The following PARD6G variants were observed in gnomAD, a reference collection of about 807,000 sequenced individuals.
The protein encoded by PARD6G is par-6 family cell polarity regulator gamma.
PARD6G carries 7 observed loss-of-function variants against 10.7 expected under a neutral mutation model. That is an observed-to-expected ratio of 0.66 (90% CI 0.37 to 1.23). The LOEUF is 1.23. PARD6G is among the 50% of genes most tolerant of loss of function. PARD6G has a pLI of 0.02. For missense variants in PARD6G, 548 were observed against 571.8 expected, an observed-to-expected ratio of 0.96 and a Z score of 0.42; for synonymous variants, 287 against 269.4, an observed-to-expected ratio of 1.07 and a Z score of -0.64.
intron 2 of PARD6G, chr18:80,170,964 G>C (rs948869786): frequency 6.6e-6 from 1 of 152,146 alleles, no homozygotes; most frequent in Non-Finnish European, 1.5e-5. Flanking sequence ...GAGGAGAGAC[G>C]GGAAAGGAAT....
chr18:80,187,221 A>C (rs556241178), intron 2 of PARD6G, among the ~76,000 whole-genome samples: 1 of 152,206 alleles, frequency 6.6e-6, no homozygotes, highest in Admixed American at 6.5e-5. Context: ...CTGGCCCTGG[A>C]AGGTCAGTGT....
At chr18:80,177,045 A>ACG in intron 2 of PARD6G, among the ~76,000 whole-genome samples, 1 of 147,032 alleles carries the variant, frequency 6.8e-6, no homozygotes, top group Admixed American at 6.8e-5. Flanking sequence ...ACACACACAC[A>ACG]CACCACAGTA....
chr18:80,238,984 C>A (rs781098553), intron 1 of PARD6G, among the ~76,000 whole-genome samples: 2 of 152,074 alleles, frequency 1.3e-5, no homozygotes, highest in African/African-American at 4.8e-5. Flanking sequence ...TTTTAATCAG[C>A]GAAAGCCTTT....
chr18:80,221,681 C>G (rs1967231538), intron 1 of PARD6G, among the ~76,000 whole-genome samples: 1 of 152,084 alleles, frequency 6.6e-6, no homozygotes, highest in Non-Finnish European at 1.5e-5. Context: ...CTATTTAACA[C>G]TGTACTGTAG....
rs1443727520 is a variant in PARD6G, at chr18:80,246,900, G to C, written c.72+377C>G. 2.0e-5 allele frequency among the ~76,000 whole-genome samples: 3 copies of C among 151,962 alleles called. No homozygotes were observed. The highest frequency in any genetic ancestry group is 2.9e-5 in the Non-Finnish European group (2 of 67,948). ...GCCCCCAGAGCCCCCCCACGGCCCC[G>C]AATCCGAGCAGCCCCTGGCCCTCAA... On this transcript the variant is annotated intron_variant, in intron 1 of 2. Transcript: ENST00000353265. This position sits in a 1 kb window ranked among gnomAD's most constrained non-coding sequence, Gnocchi z 6.7.
At chr18:80,236,045 C>CA (rs1967418056) in intron 1 of PARD6G, among the ~76,000 whole-genome samples, 1 of 151,990 alleles carries the variant, frequency 6.6e-6, no homozygotes, top group Non-Finnish European at 1.5e-5. Flanking sequence ...AGAGACATAA[C>CA]AAAAAAAGAG....
intron 1 of PARD6G, among the ~76,000 whole-genome samples, chr18:80,218,323 C>A (rs1241744305): frequency 6.6e-6 from 1 of 152,076 alleles, no homozygotes; most frequent in Non-Finnish European, 1.5e-5. Flanking sequence ...AATGGAGGTA[C>A]AGGCATTGGG....
intron 1 of PARD6G, among the ~76,000 whole-genome samples, chr18:80,241,763 T>C (rs1012024006): frequency 1.3e-5 from 2 of 152,080 alleles, no homozygotes; most frequent in Non-Finnish European, 2.9e-5. Flanking sequence ...CCAGAGGAAG[T>C]GGATTTGACA....
chr18:80,167,009 G>A (rs958664131), intron 2 of PARD6G, among the ~76,000 whole-genome samples: 3 of 152,080 alleles, frequency 2.0e-5, no homozygotes, highest in Non-Finnish European at 4.4e-5. Flanking sequence ...GCATCTAAAG[G>A]TGCAGGGCTC....
rs368986291 is a variant in PARD6G at position 80,180,027 on chromosome 18, C to T, written c.296-19421G>A. Among the ~76,000 whole-genome samples, 12 of 152,320 alleles carry T rather than the reference C, an allele frequency of 7.9e-5. No homozygotes were observed. The highest frequency in any genetic ancestry group is 4.1e-4 in the South Asian group (2 of 4,832). On this transcript the variant is annotated intron_variant, in intron 2 of 2. Transcript: ENST00000353265. This position sits in a 1 kb window ranked among gnomAD's most constrained non-coding sequence, Gnocchi z 5.6. Reference sequence around the variant, plus strand: ...CTAGGGGGGCAGAGCCTGACGGGAACGCCCCATTGTGCCTCAGAACGAAAG... The same window carrying T: ...CTAGGGGGGCAGAGCCTGACGGGAATGCCCCATTGTGCCTCAGAACGAAAG...
At chr18:80,212,414 T>G (rs1366173517) in intron 1 of PARD6G, among the ~76,000 whole-genome samples, 1 of 152,254 alleles carries the variant, frequency 6.6e-6, no homozygotes. Flanking sequence ...AAGAAATGAC[T>G]GCGATAAATG....
In PARD6G at chr18:80,247,256, C is replaced by G. The variant is rs1353954500; in HGVS notation, c.72+21G>C. Reference sequence around the variant, plus strand: ...GCCAGGAGACTGGGCGCAGGGCCGCCGGGGCGGGCGGGGGGCTTACCTTGC... The same window carrying G: ...GCCAGGAGACTGGGCGCAGGGCCGCGGGGGCGGGCGGGGGGCTTACCTTGC... On this transcript the variant is annotated intron_variant, in intron 1 of 2. Transcript: ENST00000353265. The surrounding 1 kb of genome is among the most constrained non-coding windows in gnomAD (Gnocchi z 4.2). 1.3e-6 allele frequency: 2 copies of G among 1,563,534 alleles called. No homozygotes were observed. The highest frequency in any genetic ancestry group is 8.7e-7 in the Non-Finnish European group (1 of 1,153,996).
At position 80,180,123 on chromosome 18, in the gene PARD6G, G is replaced by C. The variant is rs967714406; in HGVS notation, c.296-19517C>G. 1.3e-5 allele frequency among the ~76,000 whole-genome samples: 2 copies of C among 152,260 alleles called. No homozygotes were observed. The highest frequency in any genetic ancestry group is 2.9e-5 in the Non-Finnish European group (2 of 68,052). On this transcript the variant is annotated intron_variant, in intron 2 of 2. Coordinates refer to ENST00000353265, the MANE Select transcript of PARD6G (RefSeq NM_032510.4). This position sits in a 1 kb window ranked among gnomAD's most constrained non-coding sequence, Gnocchi z 5.6. Reference sequence around the variant, plus strand: ...CGTGGAAAAGTGGCACAGAGGCCTGGCTGGGTGAACCAGGGCCCGGGACGG... The same window carrying C: ...CGTGGAAAAGTGGCACAGAGGCCTGCCTGGGTGAACCAGGGCCCGGGACGG...
At chr18:80,203,739 C>G (rs1967031017) in intron 1 of PARD6G, among the ~76,000 whole-genome samples, 1 of 151,914 alleles carries the variant, frequency 6.6e-6, no homozygotes, top group Non-Finnish European at 1.5e-5. Flanking sequence ...TTTCCAAAGG[C>G]AAAAGACCAT....
intron 1 of PARD6G, among the ~76,000 whole-genome samples, chr18:80,224,699 T>C (rs1304654579): frequency 1.3e-5 from 2 of 152,018 alleles, no homozygotes; most frequent in Admixed American, 6.6e-5. Context: ...TACAAAAAAT[T>C]AGCCGGGCGT....
chr18:80,165,721 G>C (rs2052731374), intron 2 of PARD6G, among the ~76,000 whole-genome samples: 1 of 143,804 alleles, frequency 7.0e-6, no homozygotes, highest in Non-Finnish European at 1.6e-5. Flanking sequence ...TAAAATTTTA[G>C]TAAAGGTTTG....
rs145613252 is a variant in PARD6G at position 80,161,748 on chromosome 18, T to A, written c.296-1142A>T. 6.6e-6 allele frequency: 1 copy of A among 152,312 alleles called. No homozygotes were observed. Among genetic ancestry groups the A allele is most frequent in the East Asian group, 1.9e-4 (1 of 5,168 alleles). The allele number at this position is 152,312 out of a possible 1,614,324, so 9.4% of individuals were successfully genotyped here. A position where few individuals can be genotyped will look rare whatever the true frequency, so the allele number is the denominator to read the frequency against. ...GGCTGGGGAGGCTCACATCTTTGCT[T>A]TGCCAGTGAAAGCCAGTAGGACCGG... On this transcript the variant is annotated intron_variant, in intron 2 of 2. Transcript: ENST00000353265. This position sits in a 1 kb window ranked among gnomAD's most constrained non-coding sequence, Gnocchi z 4.6.
At position 80,205,618 on chromosome 18, in the gene PARD6G, G is replaced by C. The variant is rs536888958; in HGVS notation, c.73-2686C>G. ...TGTGTAGCACCTTCCCCCTCTTTTA[G>C]TCCTGCTCCTGCCATGTAGGATGCC... is the stretch of plus-strand genomic sequence containing the variant. On this transcript the variant is annotated intron_variant, in intron 1 of 2. Coordinates refer to ENST00000353265, the MANE Select transcript of PARD6G (RefSeq NM_032510.4). Among the ~76,000 whole-genome samples, 5 of 152,244 alleles carry C rather than the reference G, an allele frequency of 3.3e-5. No homozygotes were observed. The South Asian group carries it at 8.3e-4, about 25-fold the overall frequency.
intron 2 of PARD6G, among the ~76,000 whole-genome samples, chr18:80,196,609 T>G (rs1473814932): frequency 4.6e-5 from 7 of 152,192 alleles, no homozygotes; most frequent in Non-Finnish European, 5.9e-5. Flanking sequence ...AAGTTAGTCA[T>G]CTGTTTCCCT....
Sources: gnomAD v4.1 joint callset for allele counts (sites outside exome capture counted in the v4.1 genomes callset) on GRCh38, gnomAD v4.1.1 for gene constraint, Gnocchi (gnomAD v3.1) non-coding constraint, MANE v1.5 for transcripts, NCBI Gene and HGNC (gene_info 2026-07-23, HGNC 2026-07-21) for gene names.